Variants in LAMA1 observed in about 807,000 individuals in gnomAD.
LAMA1 encodes the protein laminin subunit alpha 1.
LAMA1 carries 219 observed loss-of-function variants against 348.7 expected under a neutral mutation model. The observed-to-expected ratio is 0.63, with a 90% CI of 0.56 to 0.70. The LOEUF is 0.70. Among genes scored for constraint, LAMA1 ranks in the 30% least tolerant of loss-of-function variants. LAMA1 has a pLI of 0.00. For missense variants in LAMA1, 3,744 were observed against 3,888.0 expected, an observed-to-expected ratio of 0.96 and a Z score of 0.99; for synonymous variants, 1,487 against 1,491.0, an observed-to-expected ratio of 1.00 and a Z score of 0.06.
At chr18:6,985,991 C>G in intron 37 of LAMA1, 146 bp downstream of exon 37, 1 of 836,466 alleles carries the variant, frequency 1.2e-6, no homozygotes, top group Non-Finnish European at 2.0e-6. Context: ...ATCTCTTGAC[C>G]TCATGATCTG....
intron 1 of LAMA1, among the ~76,000 whole-genome samples, chr18:7,098,506 G>A (rs565854935): frequency 5.4e-5 from 8 of 147,952 alleles, no homozygotes; most frequent in South Asian, 2.2e-4. Context: ...CCGCCGCCCC[G>A]TCTGGGATGT....
chr18:6,975,080 T>A (rs1568014164), intron 45 of LAMA1, 44 bp from the exon 46 acceptor site: 1 of 1,603,236 alleles, frequency 6.2e-7, no homozygotes, highest in East Asian at 2.3e-5. Context: ...CACACTGGAC[T>A]GTTTGCTGAC....
At chr18:7,000,666 T>G (rs1243295872) in intron 30 of LAMA1, among the ~76,000 whole-genome samples, 1 of 152,324 alleles carries the variant, frequency 6.6e-6, no homozygotes, top group Non-Finnish European at 1.5e-5. Context: ...CTTCACGTTT[T>G]AAATTACCAA....
chr18:6,955,530 G>A (rs1186054352), intron 56 of LAMA1, 65 bp from the exon 57 acceptor site: 2 of 1,185,176 alleles, frequency 1.7e-6, no homozygotes, highest in Non-Finnish European at 2.5e-6. Flanking sequence ...ACACACGCGT[G>A]TTCCGCCATG....
At chr18:6,947,131 G>T in intron 61 of LAMA1, 32 bp downstream of exon 61, 1 of 1,605,248 alleles carries the variant, frequency 6.2e-7, no homozygotes, top group Non-Finnish European at 8.5e-7. Flanking sequence ...ACACTGGGGG[G>T]AGGAAGACCC....
chr18:7,083,846 G>A (rs1166942201), intron 1 of LAMA1, among the ~76,000 whole-genome samples: 9 of 152,044 alleles, frequency 5.9e-5, no homozygotes, highest in African/African-American at 9.6e-5. Context: ...CGAGGCGGGC[G>A]GATCACTTGA....
At chr18:7,064,868 A>C (rs2058116128) in intron 3 of LAMA1, among the ~76,000 whole-genome samples, 2 of 152,168 alleles carry the variant, frequency 1.3e-5, no homozygotes, top group South Asian at 4.1e-4. Context: ...TCGTCTTGTA[A>C]ATACTACGGA....
chr18:7,103,473 C>G (rs949578166), intron 1 of LAMA1, among the ~76,000 whole-genome samples: 3 of 151,990 alleles, frequency 2.0e-5, no homozygotes, highest in Admixed American at 2.0e-4. Flanking sequence ...CATTCTCTTT[C>G]TTAGTCTGGT....
intron 22 of LAMA1, among the ~76,000 whole-genome samples, chr18:7,014,528 G>A (rs1164028543): frequency 2.0e-5 from 3 of 151,692 alleles, no homozygotes; most frequent in East Asian, 1.9e-4. Flanking sequence ...GGCCTGAAGC[G>A]GGAGGATTGC....
chr18:6,983,191 C>T lies in LAMA1; in HGVS notation c.5704G>A (p.Ala1902Thr). The T allele has an allele frequency of 6.2e-7, 1 of 1,614,170 alleles. No individual in the cohort carries two copies. Among genetic ancestry groups the T allele is most frequent in the Non-Finnish European group, 8.5e-7 (1 of 1,180,030 alleles). ...TGGATGTTGTAATGGACATAGGCTG[C>T]ACTGGTGGCATTCAGGGACACATTT... ...IRNVSLNATS[A>T]AYVHYNIQSL... Residue 1902 changes from alanine (A) to threonine (T), a missense_variant, in exon 40 of 63, where the codon GCA becomes ACA. By Grantham distance (58) the Ala-to-Thr change is moderately conservative. Transcript: ENST00000389658.
intron 1 of LAMA1, among the ~76,000 whole-genome samples, chr18:7,105,498 G>A (rs1208179393): frequency 1.3e-5 from 2 of 151,676 alleles, no homozygotes; most frequent in Admixed American, 1.3e-4. Context: ...GAGCAGAAGA[G>A]GACAGGAGCA....
chr18:7,110,074 G>C (rs148607125), intron 1 of LAMA1, among the ~76,000 whole-genome samples: 1 of 151,864 alleles, frequency 6.6e-6, no homozygotes, highest in Non-Finnish European at 1.5e-5. Context: ...CCAGCTACTC[G>C]GGAGGCTGAG....
chr18:7,087,823 T>C (rs1014854379), intron 1 of LAMA1, among the ~76,000 whole-genome samples: 2 of 152,152 alleles, frequency 1.3e-5, no homozygotes, highest in Non-Finnish European at 1.5e-5. Flanking sequence ...AGTCTCTCTA[T>C]ATGAATGATG....
intron 29 of LAMA1, among the ~76,000 whole-genome samples, chr18:7,005,912 C>T (rs1275443271): frequency 6.6e-6 from 1 of 152,064 alleles, no homozygotes; most frequent in Non-Finnish European, 1.5e-5. Context: ...CAAAATGTGG[C>T]GGGAGGCAGG....
At chr18:7,089,422 A>G in intron 1 of LAMA1, among the ~76,000 whole-genome samples, 1 of 152,194 alleles carries the variant, frequency 6.6e-6, no homozygotes, top group South Asian at 2.1e-4. Context: ...GAAGAATTCC[A>G]CTTGGTGGTG....
intron 16 of LAMA1, among the ~76,000 whole-genome samples, chr18:7,029,988 A>AC (rs2057961344): frequency 1.3e-5 from 2 of 151,924 alleles, no homozygotes; most frequent in African/African-American, 4.8e-5. Context: ...AAAAAAAAAA[A>AC]CCAGCAAGGT....
intron 48 of LAMA1, among the ~76,000 whole-genome samples, chr18:6,968,358 C>T (rs935863561): frequency 6.6e-6 from 1 of 152,180 alleles, no homozygotes; most frequent in African/African-American, 2.4e-5. Flanking sequence ...TGCCGTCATG[C>T]GAGGGCATGA....
rs767492457 is a variant in LAMA1 at position 6,964,747 on chromosome 18, C to T, written c.7252G>A (p.Glu2418Lys). 12 of 1,614,082 alleles carry T rather than the reference C, an allele frequency of 7.4e-6. No individual in the cohort carries two copies. In the Admixed American group the frequency reaches 1.0e-4, roughly 13 times the overall value. ...NTSNKETKQG[E>K]TPGASSDLNR... ...AGGTCAGAAGATGCTCCCGGAGTCT[C>T]GCCCTGCTTGGTTTCTTTATTACTG... is the stretch of plus-strand genomic sequence containing the variant. The change falls in exon 51 of 63, where the codon GAG (glutamate) becomes AAG (lysine). Residue 2418 changes from glutamate (E) to lysine (K), a missense_variant. This residue lies in a region of LAMA1 where 1,983 missense variants were observed against 1,934.3 expected (regional missense o/e 1.03). Coordinates refer to ENST00000389658, the MANE Select transcript of LAMA1 (RefSeq NM_005559.4).
Position 7,016,641 on chromosome 18 carries a change from C to G in LAMA1, c.2839G>C (p.Gly947Arg). ...ACGCTGCAGTTGCAGGGCCGGCAGCCATGGCCTGAGTCCAGCCCATAATAG... is the reference window on the plus strand; with the variant it reads ...ACGCTGCAGTTGCAGGGCCGGCAGCGATGGCCTGAGTCCAGCCCATAATAG... ...HGYYGLDSGHGCRPCNCSVAG... is the reference protein window; with the variant it reads ...HGYYGLDSGHRCRPCNCSVAG... The change falls in exon 21 of 63, where the codon GGC becomes CGC. Residue 947 changes from glycine (G) to arginine (R), a missense_variant. Gly to Arg is a moderately radical substitution (Grantham distance 125). Around this residue, in one of 3 missense-constraint regions of LAMA1, gnomAD observed 1,529 missense variants for 1,689.4 expected, o/e 0.91. Coordinates refer to ENST00000389658, the MANE Select transcript of LAMA1 (RefSeq NM_005559.4). The G allele has an allele frequency of 6.2e-7, 1 of 1,613,894 alleles. No individual in the cohort carries two copies.
Sources: allele counts gnomAD v4.1 joint callset (sites outside exome capture counted in the v4.1 genomes callset), GRCh38; gene constraint gnomAD v4.1.1; regional missense constraint gnomAD v4.1.1; transcripts MANE v1.5; gene names NCBI Gene and HGNC (gene_info 2026-07-23, HGNC 2026-07-21).